The following PISD variants were observed in gnomAD, a reference collection of about 807,000 sequenced individuals.
PISD encodes the protein phosphatidylserine decarboxylase, also known as phosphatidylserine decarboxylase proenzyme, mitochondrial.
PISD carries 31 observed loss-of-function variants against 43.5 expected under a neutral mutation model. The observed-to-expected ratio is 0.71, with a 90% confidence interval of 0.54 to 0.96. PISD has a LOEUF of 0.96. Among genes scored for constraint, PISD ranks in the 40% least tolerant of loss-of-function variants. The pLI, the probability that PISD is intolerant of heterozygous loss-of-function variation, is 0.00. For missense variants in PISD, 523 were observed against 548.4 expected, an observed-to-expected ratio of 0.95 and a Z score of 0.46; for synonymous variants, 259 against 228.7, an observed-to-expected ratio of 1.13 and a Z score of -1.20.
At chr22:31,624,299 T>G (rs1462229799) in intron 3 of PISD, among the ~76,000 whole-genome samples, 1 of 152,140 alleles carries the variant, frequency 6.6e-6, no homozygotes, top group East Asian at 1.9e-4. Context: ...GGGCCAGCTC[T>G]GCCACACAGG....
intron 3 of PISD, among the ~76,000 whole-genome samples, chr22:31,638,987 G>GTCTTTTTT: frequency 6.6e-6 from 1 of 151,492 alleles, no homozygotes. Context: ...GTGAGAGCCT[G>GTCTTTTTT]TCTTTTTTTT....
Position 31,619,440 on chromosome 22 carries a change from T to C in PISD, c.*172A>G, listed in dbSNP as rs1397004616. 1.6e-6 allele frequency: 1 copy of C among 625,734 alleles called. No homozygotes were observed. The highest frequency in any genetic ancestry group is 2.9e-6 in the Non-Finnish European group (1 of 347,782). 38.8% of individuals were successfully genotyped at this position (625,734 alleles called of 1,614,324 possible). On this transcript the variant is annotated 3_prime_UTR_variant, in exon 8 of 8. Coordinates refer to ENST00000439502, the MANE Select transcript of PISD (RefSeq NM_001326411.2). The stretch of plus-strand genomic sequence containing the variant: ...CATGATGGGGGCTCTCGCCACCTCT[T>C]GTCTGCACCTCTGGAACAGGTGGTA...
At chr22:31,639,975 T>C (rs2073640710) in intron 3 of PISD, among the ~76,000 whole-genome samples, 1 of 152,158 alleles carries the variant, frequency 6.6e-6, no homozygotes, top group African/African-American at 2.4e-5. Flanking sequence ...CCTGAGCTCC[T>C]GCCTTCAAGA....
At chr22:31,660,761 T>A (rs2074293703) in intron 1 of PISD, among the ~76,000 whole-genome samples, 1 of 152,078 alleles carries the variant, frequency 6.6e-6, no homozygotes, top group Non-Finnish European at 1.5e-5. Flanking sequence ...TGAGACAGAG[T>A]CTCACTCTGT....
intron 3 of PISD, among the ~76,000 whole-genome samples, chr22:31,634,361 C>T (rs1316662553): frequency 6.6e-6 from 1 of 152,226 alleles, no homozygotes; most frequent in Non-Finnish European, 1.5e-5. Context: ...CAGGCTATTT[C>T]TCTACACACC....
At chr22:31,629,613 G>C (rs1221263856) in intron 3 of PISD, 1 of 145,644 alleles carries the variant, frequency 6.9e-6, no homozygotes, top group Admixed American at 6.8e-5. Context: ...GTGTAGGTGA[G>C]GGGGTGTGTG....
rs757272795 is a variant in PISD at position 31,621,098 on chromosome 22, C to T, written c.742G>A (p.Gly248Arg). 1.2e-6 allele frequency: 2 copies of T among 1,614,214 alleles called. No homozygotes were observed. Among genetic ancestry groups the T allele is most frequent in the Admixed American group, 1.7e-5 (1 of 60,024 alleles). Residue 248 changes from glycine (G) to arginine (R), a missense_variant, in exon 6 of 8, where the codon GGG (glycine) becomes AGG (arginine). Transcript: ENST00000439502. ...ATGACACAGTGATAGAGCTCATTCCCTTCCCGGGTGACCAGCTGGTTCTTG... is the reference window on the plus strand; with the variant it reads ...ATGACACAGTGATAGAGCTCATTCCTTTCCCGGGTGACCAGCTGGTTCTTG... ...SFKNQLVTREGNELYHCVIYL... is the reference protein window; with the variant it reads ...SFKNQLVTRERNELYHCVIYL...
chr22:31,637,169 ATATATATATATATATATATATATAT>A (rs2073520747), intron 3 of PISD, among the ~76,000 whole-genome samples: 1 of 23,440 alleles, frequency 4.3e-5, no homozygotes, highest in East Asian at 1.8e-3. Flanking sequence ...AAAAAAATAT[ATATATATATATATATATATATATAT>A]ATATATATAT....
At chr22:31,652,571 C>T (rs1055811231) in intron 1 of PISD, among the ~76,000 whole-genome samples, 60 of 151,874 alleles carry the variant, frequency 4.0e-4, no homozygotes, top group Non-Finnish European at 6.2e-4. Flanking sequence ...CTTTGGGAGG[C>T]CGAGGTGGGT....
intron 6 of PISD, 39 bp from the exon 7 acceptor site, chr22:31,620,752 C>T (rs370444784): frequency 6.2e-7 from 1 of 1,609,760 alleles, no homozygotes; most frequent in South Asian, 1.1e-5. Context: ...CCGTCCAGAG[C>T]CCGGTGTGTC....
chr22:31,630,402 T>TCAGGGCCGGAGGCGCCC lies in PISD; in HGVS notation c.322-8518_322-8517insGGGCGCCTCCGGCCCTG, dbSNP rs371915182. On this transcript the variant is annotated intron_variant, in intron 3 of 7. Coordinates refer to ENST00000439502, the MANE Select transcript of PISD (RefSeq NM_001326411.2). The surrounding 1 kb of genome is among the most constrained non-coding windows in gnomAD (Gnocchi z 4.4). Reference sequence around the variant, plus strand: ...CGGCAGCACCAAGGAGACGGAGCTCTCAGCCCGGGCCCCGCCAATGCCAGC... The same window carrying TCAGGGCCGGAGGCGCCC: ...CGGCAGCACCAAGGAGACGGAGCTCTCAGGGCCGGAGGCGCCCCAGCCCGGGCCCCGCCAATGCCAGC... 0.055 allele frequency: 8,300 copies of TCAGGGCCGGAGGCGCCC among 152,134 alleles called. 211 individuals are homozygous for TCAGGGCCGGAGGCGCCC. The highest frequency in any genetic ancestry group is 0.065 in the Non-Finnish European group (4,397 of 68,012). The allele number at this position is 152,134 out of a possible 1,614,324, so 9.4% of individuals were successfully genotyped here.
intron 1 of PISD, among the ~76,000 whole-genome samples, chr22:31,658,543 T>G (rs1034367785): frequency 1.1e-5 from 1 of 95,046 alleles, no homozygotes. Context: ...GGTTATAAGT[T>G]TGTTTGTTTG....
chr22:31,657,583 C>T (rs2074215423), intron 1 of PISD, among the ~76,000 whole-genome samples: 1 of 152,054 alleles, frequency 6.6e-6, no homozygotes, highest in Non-Finnish European at 1.5e-5. Context: ...AGTGCAATGG[C>T]GCAATCTCAG....
intron 3 of PISD, among the ~76,000 whole-genome samples, chr22:31,646,855 G>A (rs1278493387): frequency 2.0e-5 from 3 of 152,100 alleles, no homozygotes; most frequent in Non-Finnish European, 4.4e-5. Context: ...AGGAATTTGT[G>A]ATATAGTACC....
intron 3 of PISD, among the ~76,000 whole-genome samples, chr22:31,631,304 C>T (rs1157123043): frequency 6.6e-6 from 1 of 152,208 alleles, no homozygotes; most frequent in Non-Finnish European, 1.5e-5. Flanking sequence ...CTGGACTGAA[C>T]AGAAAGCCAC....
In PISD at chr22:31,637,639, T is replaced by A. The variant is rs542764677; in HGVS notation, c.321+10462A>T. On this transcript the variant is annotated intron_variant, in intron 3 of 7. Coordinates refer to ENST00000439502, the MANE Select transcript of PISD (RefSeq NM_001326411.2). ...GACTGAGGACCTGAGAACTCCTTCG[T>A]CCTCCATTTTCCAGAGCAAAGAAGA... Among the ~76,000 whole-genome samples, 11 of 152,110 alleles carry A rather than the reference T, an allele frequency of 7.2e-5. No individual in the cohort carries two copies. In the East Asian group the frequency reaches 1.9e-3, roughly 27 times the overall value.
chr22:31,637,152 AAAAAAAAAAAAAATATATATATATATAT>A (rs1316324327), intron 3 of PISD, among the ~76,000 whole-genome samples: 14 of 30,586 alleles, frequency 4.6e-4, no homozygotes, highest in African/African-American at 1.6e-3. Flanking sequence ...TTAAAAAAAA[AAAAAAAAAAAAAATATATATATATATAT>A]ATATATATAT....
At chr22:31,632,143 A>T in intron 3 of PISD, 1 of 616,362 alleles carries the variant, frequency 1.6e-6, no homozygotes, top group Non-Finnish European at 2.0e-6. Flanking sequence ...ATAGGACATA[A>T]GGGTGTACAG....
intron 3 of PISD, chr22:31,629,085 G>C (rs1024958367): frequency 1.0e-5 from 10 of 985,300 alleles, no homozygotes; most frequent in Middle Eastern, 5.2e-4. Flanking sequence ...GTAAGGCAGT[G>C]TCCCCACCCG....
Sources: allele counts gnomAD v4.1 joint callset (sites outside exome capture counted in the v4.1 genomes callset), GRCh38; gene constraint gnomAD v4.1.1; non-coding constraint Gnocchi (gnomAD v3.1); transcripts MANE v1.5; gene names NCBI Gene and HGNC (gene_info 2026-07-23, HGNC 2026-07-21).